Variants in DAZL observed in about 807,000 individuals in gnomAD.
DAZL encodes the protein deleted in azoospermia-like.
DAZL carries 4 observed loss-of-function variants against 45.0 expected under a neutral mutation model. That is an observed-to-expected ratio of 0.09 (90% CI 0.04 to 0.20). The LOEUF (loss-of-function observed/expected upper bound fraction) is 0.20, where lower values mean the gene tolerates loss of function less well. Ranked by LOEUF, DAZL falls within the 10% of genes least tolerant of loss-of-function variation. DAZL has a pLI of 1.00. For synonymous variants in DAZL, 122 were observed against 112.4 expected (o/e 1.09, Z -0.54); for missense variants, 326 against 351.3 (o/e 0.93, Z 0.58).
intron 1 of DAZL, chr3:16,604,351 G>A: frequency 8.2e-7 from 1 of 1,212,778 alleles, no homozygotes; most frequent in East Asian, 2.6e-5. Flanking sequence ...TGGACATTTT[G>A]TCAAAGGATC....
chr3:16,598,169 T>C lies in DAZL; in HGVS notation c.160A>G (p.Thr54Ala), dbSNP rs121918346. The change falls in exon 3 of 11, where the codon ACT (threonine) becomes GCT (alanine). Residue 54 changes from threonine (T) to alanine (A), a missense_variant. This residue lies in a region of DAZL where 81 missense variants were observed against 89.6 expected (regional missense o/e 0.90). Coordinates refer to ENST00000399444, the MANE Select transcript of DAZL (RefSeq NM_001351.4). Reference sequence around the variant, plus strand: ...CTAGCAAAGAAGCTTCTAATCTCAGTTTCATCCATCTATGGAAAAGAATTG... The same window carrying C: ...CTAGCAAAGAAGCTTCTAATCTCAGCTTCATCCATCTATGGAAAAGAATTG... ...VGGIDVRMDE[T>A]EIRSFFARYG... is the part of the protein sequence containing the mutation. The C allele has an allele frequency of 6.3e-7, 1 of 1,595,266 alleles. No individual in the cohort carries two copies. The highest frequency in any genetic ancestry group is 1.3e-5 in the African/African-American group (1 of 74,534).
At chr3:16,591,606 G>C (rs1458023528) in intron 10 of DAZL, among the ~76,000 whole-genome samples, 1 of 151,838 alleles carries the variant, frequency 6.6e-6, no homozygotes, top group South Asian at 2.1e-4. Context: ...GCTAAGTTTT[G>C]TATTTTTTGT....
intron 8 of DAZL, 147 bp from the exon 9 acceptor site, chr3:16,593,915 A>T: frequency 1.7e-6 from 1 of 583,816 alleles, no homozygotes; most frequent in East Asian, 3.0e-5. Context: ...ACTTTGTTTT[A>T]AATGAACAGT....
At chr3:16,595,200 T>G in intron 7 of DAZL, 114 bp downstream of exon 7, 1 of 590,282 alleles carries the variant, frequency 1.7e-6, no homozygotes. Flanking sequence ...TTTTCTTAAA[T>G]TTTAGGTACA....
Position 16,597,153 on chromosome 3 carries a change from A to T in DAZL, c.295-102T>A. On this transcript the variant is annotated intron_variant, in intron 4 of 10. Transcript: ENST00000399444. The stretch of plus-strand genomic sequence containing the variant: ...CTTCTAAAATTCCTATTATCATAGA[A>T]GATCAGTGATAACTACACACCAAAT... The T allele has an allele frequency of 3.0e-6, 4 of 1,329,908 alleles. No homozygotes were observed. In the South Asian group the frequency reaches 3.8e-5, roughly 12 times the overall value. The allele number at this position is 1,329,908 out of a possible 1,614,324, so 82.4% of individuals were successfully genotyped here. A position where few individuals can be genotyped will look rare whatever the true frequency, so the allele number is the denominator to read the frequency against.
intron 10 of DAZL, among the ~76,000 whole-genome samples, chr3:16,589,889 T>C (rs1447077010): frequency 1.4e-5 from 2 of 146,166 alleles, no homozygotes; most frequent in Non-Finnish European, 3.0e-5. Context: ...TATAGTAAGA[T>C]TCTGTCTCTT....
At chr3:16,604,446 C>A (rs945927883) in intron 1 of DAZL, 2 of 1,531,374 alleles carry the variant, frequency 1.3e-6, no homozygotes, top group East Asian at 4.9e-5. Flanking sequence ...CAACCTCGTG[C>A]GGCAAAGATG....
chr3:16,604,832 G>GGC, intron 1 of DAZL: 1 of 924,202 alleles, frequency 1.1e-6, no homozygotes, highest in Non-Finnish European at 1.5e-6. Context: ...GCGCGTGGGA[G>GGC]TGGGGGCGGG....
intron 8 of DAZL, among the ~76,000 whole-genome samples, 200 bp downstream of exon 8, chr3:16,594,333 C>A (rs1425078950): frequency 6.6e-6 from 1 of 151,982 alleles, no homozygotes; most frequent in African/African-American, 2.4e-5. Context: ...CACACAAAAA[C>A]CTGAGAGAAG....
intron 1 of DAZL, among the ~76,000 whole-genome samples, chr3:16,603,547 G>A (rs535657615): frequency 2.3e-4 from 33 of 145,888 alleles, no homozygotes; most frequent in African/African-American, 7.1e-4. Context: ...GGGTTTCGCC[G>A]TATTAGCCAG....
At chr3:16,592,202 G>GT in intron 9 of DAZL, 54 bp from the exon 10 acceptor site, 1 of 1,595,706 alleles carries the variant, frequency 6.3e-7, no homozygotes, top group Non-Finnish European at 8.6e-7. Flanking sequence ...CTCACTCTTA[G>GT]TAAGGGTTTT....
intron 1 of DAZL, among the ~76,000 whole-genome samples, chr3:16,603,363 T>G (rs1694721757): frequency 6.7e-6 from 1 of 148,192 alleles, no homozygotes; most frequent in Non-Finnish European, 1.5e-5. Context: ...TTTTTTTTTT[T>G]GAGACTGAGC....
At chr3:16,597,821 T>G (rs776914937) in intron 3 of DAZL, among the ~76,000 whole-genome samples, 1 of 152,202 alleles carries the variant, frequency 6.6e-6, no homozygotes, top group Non-Finnish European at 1.5e-5. Flanking sequence ...ACAAGGTGGT[T>G]AAAATTTAAG....
At position 16,592,037 on chromosome 3, in the gene DAZL, G is replaced by C. The variant is rs148776441; in HGVS notation, c.834+13C>G. On this transcript the variant is annotated intron_variant, in intron 10 of 10. Transcript: ENST00000399444. ...GTGTGCTTTTTAATTGTGCGTAACT[G>C]TTATATTCATACCTTGAAGTAGTCA... The C allele has an allele frequency of 5.8e-5, 93 of 1,608,490 alleles. No homozygotes were observed. The African/African-American group carries it at 9.6e-4, about 17-fold the overall frequency.
chr3:16,594,981 C>T (rs1694575848), intron 7 of DAZL, among the ~76,000 whole-genome samples: 1 of 152,074 alleles, frequency 6.6e-6, no homozygotes, highest in Non-Finnish European at 1.5e-5. Context: ...AATTTTATTT[C>T]ACTCTATCTC....
At chr3:16,604,223 C>T (rs967567094) in intron 1 of DAZL, among the ~76,000 whole-genome samples, 1 of 152,110 alleles carries the variant, frequency 6.6e-6, no homozygotes, top group African/African-American at 2.4e-5. Context: ...ATGTAATACG[C>T]GCGTTCGTGA....
intron 6 of DAZL, among the ~76,000 whole-genome samples, chr3:16,595,692 C>T (rs891423652): frequency 6.6e-6 from 1 of 151,886 alleles, no homozygotes; most frequent in African/African-American, 2.4e-5. Context: ...GGTGATAAGG[C>T]TCTATTCAGA....
chr3:16,603,618 T>C (rs1376638645), intron 1 of DAZL, among the ~76,000 whole-genome samples: 1 of 152,136 alleles, frequency 6.6e-6, no homozygotes, highest in Non-Finnish European at 1.5e-5. Flanking sequence ...AAGAGATTGA[T>C]TACAGGCGTG....
chr3:16,594,974 T>TTTATTTCACTCTATCTC (rs1460385232), intron 7 of DAZL, among the ~76,000 whole-genome samples: 6 of 152,092 alleles, frequency 3.9e-5, no homozygotes, highest in Non-Finnish European at 8.8e-5. Context: ...ATTGGATAAT[T>TTTATTTCACTCTATCTC]TTATTTCACT....
Sources: allele counts gnomAD v4.1 joint callset (sites outside exome capture counted in the v4.1 genomes callset), GRCh38; gene constraint gnomAD v4.1.1; regional missense constraint gnomAD v4.1.1; transcripts MANE v1.5; gene names NCBI Gene and HGNC (gene_info 2026-07-23, HGNC 2026-07-21).